Variants in SHLD1 observed in about 807,000 individuals in gnomAD.
The protein encoded by SHLD1 is RINN1-REV7-interacting novel NHEJ regulator 3.
Under a neutral mutation model 5.5 loss-of-function variants are expected in SHLD1, and 3 were observed. That is an observed-to-expected ratio of 0.54 (90% CI 0.25 to 1.40). The LOEUF is 1.40. Ranked by LOEUF, SHLD1 falls within the 40% of genes most tolerant of loss-of-function variation. The probability of loss-of-function intolerance (pLI) is 0.15; values close to 1 mark genes in which losing one functional copy is unlikely to be tolerated. For missense variants in SHLD1, 210 were observed against 244.4 expected (o/e 0.86, Z 0.94); for synonymous variants, 92 against 94.3 (o/e 0.98, Z 0.14).
intron 2 of SHLD1, chr20:5,773,244 G>T (rs976063423): frequency 3.0e-5 from 21 of 696,960 alleles, no homozygotes; most frequent in Non-Finnish European, 5.3e-5. Flanking sequence ...ACAAGGAGCT[G>T]TTTCCTGGAT....
At chr20:5,845,602 A>C (rs1358559377) in intron 2 of SHLD1, among the ~76,000 whole-genome samples, 1 of 152,246 alleles carries the variant, frequency 6.6e-6, no homozygotes, top group Non-Finnish European at 1.5e-5. Context: ...CCTTTGCGAA[A>C]ACTGCTTTGA....
Position 5,864,174 on chromosome 20 carries a change from CTG to C in SHLD1, c.*712_*713del, listed in dbSNP as rs1287289525. 6.6e-6 allele frequency among the ~76,000 whole-genome samples: 1 copy of C among 152,186 alleles called. No individual in the cohort carries two copies. The highest frequency in any genetic ancestry group is 2.4e-5 in the African/African-American group (1 of 41,450). ...AGAAATCCATGTTTTATCATACTAA[CTG>C]GGTGTGGAAGGAACATTTGGACAAT... On this transcript the variant is annotated 3_prime_UTR_variant, in exon 3 of 3. Coordinates refer to ENST00000303142, the MANE Select transcript of SHLD1 (RefSeq NM_152504.4).
At chr20:5,781,908 A>G (rs6038276) in intron 2 of SHLD1, among the ~76,000 whole-genome samples, 35,513 of 152,092 alleles carry the variant, frequency 0.23, 4,197 homozygotes, top group Middle Eastern at 0.32. Flanking sequence ...CAGTATTGCA[A>G]TATTTCAACA....
intron 2 of SHLD1, among the ~76,000 whole-genome samples, chr20:5,793,089 ATACG>A (rs1335453542): frequency 5.9e-5 from 9 of 152,152 alleles, no homozygotes; most frequent in Non-Finnish European, 1.3e-4. Context: ...ATTTGAGCAT[ATACG>A]TAAGGGTTTA....
chr20:5,817,217 T>G (rs2087541229), intron 2 of SHLD1, among the ~76,000 whole-genome samples: 1 of 152,208 alleles, frequency 6.6e-6, no homozygotes, highest in Non-Finnish European at 1.5e-5. Context: ...AATATTTTCC[T>G]GCTTCTTCCC....
Position 5,790,685 on chromosome 20 carries a change from C to T in SHLD1, c.178+17642C>T, listed in dbSNP as rs537222033. On this transcript the variant is annotated intron_variant, in intron 2 of 2. Coordinates refer to ENST00000303142, the MANE Select transcript of SHLD1 (RefSeq NM_152504.4). ...GCCAGGCTGGTCTTGAACTCCTGAC[C>T]TCAGGTGATCCACCCACCTTGGCCT... Among the ~76,000 whole-genome samples, 5 of 152,084 alleles carry T rather than the reference C, an allele frequency of 3.3e-5. No individual in the cohort carries two copies. In the East Asian group the frequency reaches 7.8e-4, roughly 24 times the overall value.
intron 2 of SHLD1, among the ~76,000 whole-genome samples, chr20:5,781,713 A>G (rs182107403): frequency 6.6e-6 from 1 of 152,152 alleles, no homozygotes; most frequent in African/African-American, 2.4e-5. Flanking sequence ...TCCTGACCTC[A>G]AGTCATCCGT....
intron 2 of SHLD1, among the ~76,000 whole-genome samples, chr20:5,786,803 T>A (rs1189884170): frequency 6.6e-6 from 1 of 152,136 alleles, no homozygotes; most frequent in Non-Finnish European, 1.5e-5. Context: ...ACACTTTGAT[T>A]CCCCTTTCCC....
At chr20:5,803,778 A>G (rs1480501305) in intron 2 of SHLD1, among the ~76,000 whole-genome samples, 1 of 151,750 alleles carries the variant, frequency 6.6e-6, no homozygotes, top group African/African-American at 2.4e-5. Context: ...AGGCTAAGGC[A>G]GGAGAATCGC....
At chr20:5,840,185 T>A (rs2087841034) in intron 2 of SHLD1, among the ~76,000 whole-genome samples, 1 of 152,248 alleles carries the variant, frequency 6.6e-6, no homozygotes. Context: ...CTTCTTGAGT[T>A]TGAATCCTGG....
intron 2 of SHLD1, among the ~76,000 whole-genome samples, chr20:5,845,243 G>A (rs1227799783): frequency 6.6e-6 from 1 of 152,158 alleles, no homozygotes; most frequent in African/African-American, 2.4e-5. Flanking sequence ...TATTTATTGA[G>A]CACTTAGCAT....
chr20:5,786,904 ATCATTTG>A, intron 2 of SHLD1, among the ~76,000 whole-genome samples: 1 of 92,906 alleles, frequency 1.1e-5, no homozygotes, highest in South Asian at 3.6e-4. Flanking sequence ...AGATCATTTG[ATCATTTG>A]TTGAATTGGC....
intron 2 of SHLD1, among the ~76,000 whole-genome samples, chr20:5,837,490 G>A (rs535255101): frequency 6.2e-5 from 8 of 129,324 alleles, no homozygotes; most frequent in South Asian, 5.2e-4. Context: ...AACAGGCCCC[G>A]CTGTGTGTTG....
At chr20:5,775,923 A>AGTTTTTTTTTTTT (rs1985401150) in intron 2 of SHLD1, among the ~76,000 whole-genome samples, 2 of 77,678 alleles carry the variant, frequency 2.6e-5, no homozygotes, top group African/African-American at 6.0e-5. Flanking sequence ...TCAGCTCAGG[A>AGTTTTTTTTTTTT]TTTTTTTTTT....
intron 1 of SHLD1, among the ~76,000 whole-genome samples, chr20:5,752,616 T>G (rs891824893): frequency 2.4e-5 from 2 of 82,016 alleles, no homozygotes; most frequent in Non-Finnish European, 4.5e-5. Flanking sequence ...TATTTTGGGG[T>G]TTTTTTTTTT....
chr20:5,755,807 C>T (rs1284547426), intron 1 of SHLD1, among the ~76,000 whole-genome samples: 1 of 152,190 alleles, frequency 6.6e-6, no homozygotes, highest in East Asian at 1.9e-4. Flanking sequence ...GATCCGCCCA[C>T]CTCGGCTTCC....
chr20:5,810,225 C>T lies in SHLD1; in HGVS notation c.178+37182C>T, dbSNP rs574938777. Among the ~76,000 whole-genome samples, 36 of 151,542 alleles carry T rather than the reference C, an allele frequency of 2.4e-4. No individual in the cohort carries two copies. In the South Asian group the frequency reaches 6.7e-3, roughly 28 times the overall value. On this transcript the variant is annotated intron_variant, in intron 2 of 2. Transcript: ENST00000303142. ...TGAGCCAAGATCGTGCCACTGCACTCCAGCCTGGGTGACAAAGCAAGACTC... is the reference window on the plus strand; with the variant it reads ...TGAGCCAAGATCGTGCCACTGCACTTCAGCCTGGGTGACAAAGCAAGACTC...
At chr20:5,844,787 A>AT (rs1428765852) in intron 2 of SHLD1, among the ~76,000 whole-genome samples, 2 of 102,286 alleles carry the variant, frequency 2.0e-5, no homozygotes, top group African/African-American at 1.1e-4. Flanking sequence ...ATATATATAT[A>AT]TATATATATA....
intron 2 of SHLD1, among the ~76,000 whole-genome samples, chr20:5,812,237 T>A (rs1225338247): frequency 6.6e-6 from 1 of 152,044 alleles, no homozygotes; most frequent in Non-Finnish European, 1.5e-5. Context: ...AATCCCAAAA[T>A]AAAGATCAGT....
Sources: allele counts gnomAD v4.1 joint callset (sites outside exome capture counted in the v4.1 genomes callset), GRCh38; gene constraint gnomAD v4.1.1; transcripts MANE v1.5; gene names NCBI Gene and HGNC (gene_info 2026-07-23, HGNC 2026-07-21).